HERC4: variants seen among roughly 807,000 people sequenced by gnomAD.
HERC4 encodes the protein probable E3 ubiquitin-protein ligase HERC4.
Under a neutral mutation model 124.3 loss-of-function variants are expected in HERC4, and 28 were observed. The ratio of observed to expected loss-of-function variants is 0.23; its 90% CI spans 0.17 to 0.31. The LOEUF is 0.31. Among genes scored for constraint, HERC4 ranks in the 10% least tolerant of loss-of-function variants. HERC4 has a pLI of 1.00. For synonymous variants in HERC4, 407 were observed against 421.5 expected, an observed-to-expected ratio of 0.97 and a Z score of 0.42; for missense variants, 713 against 1,229.3, an observed-to-expected ratio of 0.58 and a Z score of 6.28.
At chr10:67,941,345 T>C (rs958916256) in intron 19 of HERC4, among the ~76,000 whole-genome samples, 2 of 150,290 alleles carry the variant, frequency 1.3e-5, no homozygotes, top group African/African-American at 2.4e-5. Context: ...GTACTATACA[T>C]ACGACTTTAC....
intron 4 of HERC4, chr10:68,039,718 T>C (rs2039665492): frequency 7.5e-7 from 1 of 1,335,164 alleles, no homozygotes. Context: ...ACACTGGCAA[T>C]GCAAACAGAG....
chr10:68,057,045 T>C (rs951431839), intron 3 of HERC4, among the ~76,000 whole-genome samples: 2 of 152,188 alleles, frequency 1.3e-5, no homozygotes, highest in Non-Finnish European at 2.9e-5. Context: ...GGCTTCCATT[T>C]TAAATGTTCC....
At chr10:68,053,903 C>G (rs1164882964) in intron 3 of HERC4, among the ~76,000 whole-genome samples, 1 of 152,164 alleles carries the variant, frequency 6.6e-6, no homozygotes, top group Non-Finnish European at 1.5e-5. Flanking sequence ...TGAAGAGCGA[C>G]AAGTATATCC....
chr10:67,959,645 C>T lies in HERC4; in HGVS notation c.1927-2669G>A, dbSNP rs566143351. 1.2e-4 allele frequency among the ~76,000 whole-genome samples: 18 copies of T among 150,934 alleles called. No homozygotes were observed. The South Asian group carries it at 3.8e-3, about 32-fold the overall frequency. ...TGTTTTTATTTGACAGAAAAAAAAA[C>T]AGTAAAACATAAGGTATCTTACATT... On this transcript the variant is annotated intron_variant, in intron 16 of 24. Coordinates refer to ENST00000373700, the MANE Select transcript of HERC4 (RefSeq NM_015601.4).
intron 20 of HERC4, among the ~76,000 whole-genome samples, chr10:67,940,428 T>C (rs879201405): frequency 6.7e-6 from 1 of 148,796 alleles, no homozygotes; most frequent in African/African-American, 2.5e-5. Flanking sequence ...TTAGTCTTTC[T>C]TTTTTTTTTG....
chr10:68,031,227 T>A (rs2039185860), intron 7 of HERC4, among the ~76,000 whole-genome samples: 1 of 152,148 alleles, frequency 6.6e-6, no homozygotes, highest in African/African-American at 2.4e-5. Context: ...TTACTTATCC[T>A]AGAACATTAG....
rs2041658152 is a variant in HERC4 at position 68,073,316 on chromosome 10, A to G, written c.-78-130T>C. 7 of 470,510 alleles carry G rather than the reference A, an allele frequency of 1.5e-5. No individual in the cohort carries two copies. In the East Asian group the frequency reaches 2.4e-4, roughly 16 times the overall value. 29.1% of individuals were successfully genotyped at this position (470,510 alleles called of 1,614,324 possible). A position where few individuals can be genotyped will look rare whatever the true frequency, so the allele number is the denominator to read the frequency against. On this transcript the variant is annotated intron_variant, in intron 2 of 24. Coordinates refer to ENST00000373700, the MANE Select transcript of HERC4 (RefSeq NM_015601.4). The stretch of plus-strand genomic sequence containing the variant: ...ATACTTTATAACATGCTACATAAGT[A>G]TCATTCAGTTTCAAAAACCAATCAG...
intron 9 of HERC4, among the ~76,000 whole-genome samples, chr10:68,000,255 T>C (rs2037146072): frequency 1.3e-5 from 2 of 152,204 alleles, no homozygotes; most frequent in Admixed American, 1.3e-4. Context: ...GTTTGGGGTA[T>C]TCCTATGGAT....
At chr10:68,042,686 T>C (rs2039831780) in intron 4 of HERC4, among the ~76,000 whole-genome samples, 1 of 152,178 alleles carries the variant, frequency 6.6e-6, no homozygotes. Context: ...AGATACTATA[T>C]GTAAAATTTA....
Position 67,990,271 on chromosome 10 carries a change from T to C in HERC4, c.1573A>G (p.Ile525Val). Residue 525 changes from isoleucine (I) to valine (V), a missense_variant, in exon 14 of 25, where the codon ATA (isoleucine) becomes GTA (valine). Ile to Val is a conservative substitution (Grantham distance 29, BLOSUM62 3). Transcript: ENST00000373700. ...AGAGCTGTACCAAAGGGAATTGCTA[T>C]TGTTGTGAAATTGTTGGAATCACTC... ...LMSDSNNFTTIAIPFGTALVN... is the reference protein window; with the variant it reads ...LMSDSNNFTTVAIPFGTALVN... 1 of 1,612,958 alleles carries C rather than the reference T, an allele frequency of 6.2e-7. No homozygotes were observed. Among genetic ancestry groups the C allele is most frequent in the Non-Finnish European group, 8.5e-7 (1 of 1,179,414 alleles).
chr10:67,959,519 C>G (rs1237549240), intron 16 of HERC4, among the ~76,000 whole-genome samples: 5 of 151,780 alleles, frequency 3.3e-5, no homozygotes, highest in Non-Finnish European at 5.9e-5. Flanking sequence ...AAAAAACATT[C>G]CTCAGACTTT....
intron 8 of HERC4, among the ~76,000 whole-genome samples, chr10:68,023,148 A>G (rs1420848056): frequency 6.6e-6 from 1 of 152,222 alleles, no homozygotes; most frequent in Non-Finnish European, 1.5e-5. Flanking sequence ...TACAAAAATT[A>G]AAAACAGAAT....
chr10:68,070,451 T>A, intron 3 of HERC4: 1 of 184,624 alleles, frequency 5.4e-6, no homozygotes, highest in Non-Finnish European at 1.1e-5. Context: ...CATTAAAATA[T>A]GAAAAGTAGC....
intron 3 of HERC4, among the ~76,000 whole-genome samples, chr10:68,050,816 TA>T (rs1207489929): frequency 2.0e-5 from 3 of 151,918 alleles, no homozygotes; most frequent in Non-Finnish European, 4.4e-5. Context: ...CAAGATGGCC[TA>T]AAAAGGGAGA....
intron 3 of HERC4, chr10:68,069,617 C>T (rs1368829580): frequency 1.0e-6 from 1 of 985,320 alleles, no homozygotes; most frequent in African/African-American, 1.7e-5. Flanking sequence ...ATAATTTATC[C>T]TTAATAAGGC....
At chr10:67,952,121 G>A (rs536089155) in intron 19 of HERC4, among the ~76,000 whole-genome samples, 8 of 151,906 alleles carry the variant, frequency 5.3e-5, no homozygotes, top group Admixed American at 6.6e-5. Context: ...CAATTCCACC[G>A]TCACAATTTA....
intron 3 of HERC4, among the ~76,000 whole-genome samples, chr10:68,055,908 T>C (rs904973115): frequency 6.6e-6 from 1 of 152,010 alleles, no homozygotes; most frequent in Non-Finnish European, 1.5e-5. Flanking sequence ...CCGGCCACCA[T>C]GCCCGGCTAA....
intron 24 of HERC4, among the ~76,000 whole-genome samples, 182 bp from the exon 25 acceptor site, chr10:67,923,321 T>C (rs575840648): frequency 6.6e-6 from 1 of 152,344 alleles, no homozygotes; most frequent in East Asian, 1.9e-4. Flanking sequence ...ATCCACACAA[T>C]ATTTTTTCTT....
intron 9 of HERC4, 34 bp downstream of exon 9, chr10:68,013,992 A>G: frequency 2.0e-6 from 3 of 1,489,596 alleles, no homozygotes; most frequent in Non-Finnish European, 2.7e-6. Flanking sequence ...GAACTTCAAT[A>G]TATGAAGGAA....
Sources: allele counts gnomAD v4.1 joint callset (sites outside exome capture counted in the v4.1 genomes callset), GRCh38; gene constraint gnomAD v4.1.1; transcripts MANE v1.5; gene names NCBI Gene and HGNC (gene_info 2026-07-23, HGNC 2026-07-21).